The following KCNQ1 variants were observed in gnomAD, a reference collection of about 807,000 sequenced individuals.
KCNQ1 encodes potassium voltage-gated channel subfamily KQT member 1.
In KCNQ1, 49 loss-of-function variants were observed where a neutral mutation model predicts 72.4. That is an observed-to-expected ratio of 0.68 (90% CI 0.54 to 0.86). KCNQ1 has a LOEUF of 0.86. Among genes scored for constraint, KCNQ1 ranks in the 40% least tolerant of loss-of-function variants. The pLI is 0.00. For synonymous variants in KCNQ1, 450 were observed against 412.6 expected (o/e 1.09, Z -1.10); for missense variants, 790 against 945.1 (o/e 0.84, Z 2.15).
chr11:2,568,953 C>T (rs551524292), intron 2 of KCNQ1, among the ~76,000 whole-genome samples: 3 of 151,572 alleles, frequency 2.0e-5, no homozygotes, highest in Admixed American at 1.3e-4. Flanking sequence ...GGTGTGATCT[C>T]GGCTCACTGC....
At chr11:2,805,281 C>T (rs1460716110) in intron 15 of KCNQ1, among the ~76,000 whole-genome samples, 2 of 152,236 alleles carry the variant, frequency 1.3e-5, no homozygotes, top group Admixed American at 1.3e-4. Flanking sequence ...GCTGCAGCTG[C>T]ACAGGGCCCC....
At chr11:2,630,659 A>G (rs1325056806) in intron 10 of KCNQ1, 5 of 398,144 alleles carry the variant, frequency 1.3e-5, no homozygotes, top group Non-Finnish European at 2.2e-5. Context: ...TTGCCCGTAT[A>G]TTTATTTATC....
intron 15 of KCNQ1, among the ~76,000 whole-genome samples, chr11:2,802,001 G>A (rs969551937): frequency 6.6e-6 from 1 of 152,130 alleles, no homozygotes; most frequent in Non-Finnish European, 1.5e-5. Context: ...CTCCAGTAGG[G>A]TGTTGGGGGA....
chr11:2,466,739 C>T (rs1846357662), intron 1 of KCNQ1, among the ~76,000 whole-genome samples: 1 of 152,172 alleles, frequency 6.6e-6, no homozygotes, highest in African/African-American at 2.4e-5. Flanking sequence ...AGAGGGCCTT[C>T]CTGTCCTCAT....
intron 11 of KCNQ1, among the ~76,000 whole-genome samples, chr11:2,765,667 C>G (rs1191424876): frequency 1.3e-5 from 2 of 152,168 alleles, no homozygotes; most frequent in African/African-American, 4.8e-5. Flanking sequence ...TAGGTGCATA[C>G]AAATTTAGAA....
chr11:2,589,185 C>T (rs10766203), intron 10 of KCNQ1, among the ~76,000 whole-genome samples: 2 of 152,082 alleles, frequency 1.3e-5, no homozygotes, highest in Non-Finnish European at 2.9e-5. Context: ...CCCACGGGCT[C>T]TGGTTGGAAA....
chr11:2,554,329 A>G (rs1848037210), intron 2 of KCNQ1, among the ~76,000 whole-genome samples: 1 of 152,216 alleles, frequency 6.6e-6, no homozygotes, highest in South Asian at 2.1e-4. Context: ...ATACAGGGCT[A>G]TGCAGGTTGT....
Position 2,768,785 on chromosome 11 carries a change from T to C in KCNQ1, c.1515-59T>C. On this transcript the variant is annotated intron_variant, in intron 11 of 15. Coordinates refer to ENST00000155840, the MANE Select transcript of KCNQ1 (RefSeq NM_000218.3). The surrounding 1 kb of genome is among the most constrained non-coding windows in gnomAD (Gnocchi z 6.7). ...TGCTCCTCAGGCAGTGCAGGGGCAG[T>C]GAGGGGATGACCAGCACAGGGTGGC... 1 of 1,321,684 alleles carries C rather than the reference T, an allele frequency of 7.6e-7. No homozygotes were observed. Among genetic ancestry groups the C allele is most frequent in the Non-Finnish European group, 1.1e-6 (1 of 913,324 alleles). The allele number at this position is 1,321,684 out of a possible 1,614,324, so 81.9% of individuals were successfully genotyped here.
intron 10 of KCNQ1, among the ~76,000 whole-genome samples, chr11:2,597,020 A>C (rs1848742933): frequency 6.6e-6 from 1 of 152,188 alleles, no homozygotes; most frequent in South Asian, 2.1e-4. Flanking sequence ...CTTGTAAATC[A>C]AGATAGAAGT....
intron 1 of KCNQ1, among the ~76,000 whole-genome samples, chr11:2,487,361 C>T (rs1025310532): frequency 2.6e-5 from 4 of 152,046 alleles, no homozygotes; most frequent in Non-Finnish European, 1.5e-5. Context: ...ATTTTAAGTT[C>T]CTTGAGATTC....
intron 4 of KCNQ1, 90 bp from the exon 5 acceptor site, chr11:2,571,923 G>T: frequency 9.5e-7 from 1 of 1,056,996 alleles, no homozygotes; most frequent in East Asian, 2.5e-5. Context: ...GGCAGGGGCA[G>T]GGACACCCAT....
In KCNQ1 at chr11:2,544,422, G is replaced by A. The variant is rs1201844204; in HGVS notation, c.477+16404G>A. ...TATATGTGTGTGTATATATATATATGGTTACATACCTAATATGTATATGGT... is the reference window on the plus strand; with the variant it reads ...TATATGTGTGTGTATATATATATATAGTTACATACCTAATATGTATATGGT... On this transcript the variant is annotated intron_variant, in intron 2 of 15. Transcript: ENST00000155840. The surrounding 1 kb of genome is among the most constrained non-coding windows in gnomAD (Gnocchi z 4.4). Among the ~76,000 whole-genome samples, 1 of 148,894 alleles carries A rather than the reference G, an allele frequency of 6.7e-6. No homozygotes were observed. Among genetic ancestry groups the A allele is most frequent in the Non-Finnish European group, 1.5e-5 (1 of 67,278 alleles).
intron 11 of KCNQ1, among the ~76,000 whole-genome samples, chr11:2,705,316 C>T (rs573367664): frequency 6.6e-6 from 1 of 152,162 alleles, no homozygotes; most frequent in Admixed American, 6.5e-5. Context: ...GGGCCAGTTC[C>T]CATTGGGAGG....
Position 2,620,618 on chromosome 11 carries a change from C to A in KCNQ1, c.1393+31764C>A. 1 of 397,770 alleles carries A rather than the reference C, an allele frequency of 2.5e-6. No individual in the cohort carries two copies. Among genetic ancestry groups the A allele is most frequent in the Non-Finnish European group, 4.4e-6 (1 of 225,994 alleles). The allele number at this position is 397,770 out of a possible 1,614,324, so 24.6% of individuals were successfully genotyped here. ...ATGGGCATCTAAGTGGATTCCATGT[C>A]TTTGCTGTTGTGAATAGTGCTGTGA... On this transcript the variant is annotated intron_variant, in intron 10 of 15. Coordinates refer to ENST00000155840, the MANE Select transcript of KCNQ1 (RefSeq NM_000218.3). The surrounding 1 kb of genome is among the most constrained non-coding windows in gnomAD (Gnocchi z 4.5).
rs1847968600 is a variant in KCNQ1 at position 2,550,567 on chromosome 11, G to A, written c.478-20061G>A. ...CGCCTAGGCCAGAGTGCCAGGCAGGGTAGGGGAACAAATGCCAACACGTGA... is the reference window on the plus strand; with the variant it reads ...CGCCTAGGCCAGAGTGCCAGGCAGGATAGGGGAACAAATGCCAACACGTGA... On this transcript the variant is annotated intron_variant, in intron 2 of 15. Transcript: ENST00000155840. This position sits in a 1 kb window ranked among gnomAD's most constrained non-coding sequence, Gnocchi z 6.0. Among the ~76,000 whole-genome samples, 1 of 152,228 alleles carries A rather than the reference G, an allele frequency of 6.6e-6. No homozygotes were observed. The highest frequency in any genetic ancestry group is 1.5e-5 in the Non-Finnish European group (1 of 68,032).
chr11:2,679,193 A>G lies in KCNQ1; in HGVS notation c.1514+17112A>G. ...TCCATGTCTGAGTTAGGCCACCTGT[A>G]ACAATGCAGCCCCATCCATGTGAAG... On this transcript the variant is annotated intron_variant, in intron 11 of 15. Coordinates refer to ENST00000155840, the MANE Select transcript of KCNQ1 (RefSeq NM_000218.3). This position sits in a 1 kb window ranked among gnomAD's most constrained non-coding sequence, Gnocchi z 4.8. 2.5e-6 allele frequency: 1 copy of G among 398,628 alleles called. No homozygotes were observed. Among genetic ancestry groups the G allele is most frequent in the Non-Finnish European group, 4.4e-6 (1 of 226,088 alleles). 24.7% of individuals were successfully genotyped at this position (398,628 alleles called of 1,614,324 possible). A position where few individuals can be genotyped will look rare whatever the true frequency, so the allele number is the denominator to read the frequency against.
intron 15 of KCNQ1, among the ~76,000 whole-genome samples, chr11:2,801,820 G>A (rs768057299): frequency 3.9e-5 from 6 of 152,310 alleles, no homozygotes; most frequent in East Asian, 3.9e-4. Flanking sequence ...TCAGGGCCAC[G>A]CCCACTGCCT....
chr11:2,726,784 G>A (rs1845772382), intron 11 of KCNQ1, among the ~76,000 whole-genome samples: 1 of 152,178 alleles, frequency 6.6e-6, no homozygotes, highest in South Asian at 2.1e-4. Context: ...TCCTGTGACT[G>A]TGCCCATCTC....
chr11:2,528,097 G>T (rs1045605928), intron 2 of KCNQ1, 79 bp downstream of exon 2: 1 of 1,199,750 alleles, frequency 8.3e-7, no homozygotes, highest in African/African-American at 1.8e-5. Context: ...GGCCCCATAA[G>T]GTGGGGGGCA....
Sources: gnomAD v4.1 joint callset for allele counts (sites outside exome capture counted in the v4.1 genomes callset) on GRCh38, gnomAD v4.1.1 for gene constraint, Gnocchi (gnomAD v3.1) non-coding constraint, MANE v1.5 for transcripts, NCBI Gene and HGNC (gene_info 2026-07-23, HGNC 2026-07-21) for gene names.